Variants in C16orf92 observed in about 807,000 individuals in gnomAD.
The protein encoded by C16orf92 is fertilization-influencing membrane protein 1.
A neutral mutation model predicts 13.7 loss-of-function variants in C16orf92; 14 were observed. The ratio of observed to expected loss-of-function variants is 1.02; its 90% CI spans 0.67 to 1.60. The LOEUF is 1.60. C16orf92 is among the 40% of genes most tolerant of loss of function. The probability of loss-of-function intolerance (pLI) is 0.00; values close to 1 mark genes in which losing one functional copy is unlikely to be tolerated. For missense variants in C16orf92, 116 were observed against 139.0 expected, an observed-to-expected ratio of 0.83 and a Z score of 0.83; for synonymous variants, 50 against 57.4, an observed-to-expected ratio of 0.87 and a Z score of 0.58.
downstream of C16orf92, chr16:30,026,588 G>C (rs200158999): frequency 1.5e-3 from 1,538 of 1,033,680 alleles, no homozygotes; most frequent in Non-Finnish European, 2.1e-3. Context: ...CACCCCGCCC[G>C]CCCAGCTCCC....
At chr16:30,025,278 G>A (rs2150971745), downstream of C16orf92, 1 of 1,545,598 alleles carries the variant, frequency 6.5e-7, no homozygotes, top group South Asian at 1.2e-5. The surrounding 1 kb of genome is among the most constrained non-coding windows in gnomAD (Gnocchi z 4.1). Context: ...TAGAGCTGAG[G>A]GGCCAGGAGC....
chr16:30,026,456 T>C, downstream of C16orf92: 2 of 700,014 alleles, frequency 2.9e-6, no homozygotes, highest in South Asian at 3.7e-5. Context: ...TGGTGCTCAG[T>C]GAACCCTGCC....
At chr16:30,025,794 A>G, downstream of C16orf92, 4 of 1,614,086 alleles carry the variant, frequency 2.5e-6, no homozygotes, top group Non-Finnish European at 3.4e-6. This position sits in a 1 kb window ranked among gnomAD's most constrained non-coding sequence, Gnocchi z 4.1. Context: ...CAACCCAGAA[A>G]GAAGTCTCCC....
downstream of C16orf92, chr16:30,025,151 G>A: frequency 5.3e-6 from 7 of 1,326,490 alleles, no homozygotes; most frequent in African/African-American, 1.5e-5. This position sits in a 1 kb window ranked among gnomAD's most constrained non-coding sequence, Gnocchi z 4.1. Context: ...CGGGGGTGGG[G>A]GTGGGGAGGG....
chr16:30,027,179 A>C (rs749507346), downstream of C16orf92: 17 of 478,916 alleles, frequency 3.5e-5, 1 homozygote, highest in South Asian at 2.5e-4. Context: ...GGCAGGTGGG[A>C]CCTTGCCATG....
downstream of C16orf92, chr16:30,027,087 G>A (rs759725363): frequency 3.4e-5 from 21 of 625,378 alleles, no homozygotes; most frequent in Non-Finnish European, 1.5e-5. Context: ...TCTCTCTGCA[G>A]TATAGTCGGG....
chr16:30,023,996 C>G lies in C16orf92; in HGVS notation c.224-3C>G, dbSNP rs373715945. 422 of 1,612,376 alleles carry G rather than the reference C, an allele frequency of 2.6e-4. 1 individual carries two copies. In the African/African-American group the frequency reaches 4.9e-3, roughly 19 times the overall value. On this transcript the variant is annotated splice_polypyrimidine_tract_variant and splice_region_variant and intron_variant, in intron 2 of 3. Transcript: ENST00000681219. ...GGAGTTAAGGGTCCTGTTTGTCTAG[C>G]AGGTTCCAGCCCCGGGCTCTTCCAT...
downstream of C16orf92, chr16:30,025,883 G>C: frequency 7.7e-7 from 1 of 1,300,456 alleles, no homozygotes; most frequent in East Asian, 2.3e-5. This position sits in a 1 kb window ranked among gnomAD's most constrained non-coding sequence, Gnocchi z 4.1. Context: ...GGCAGCCCCC[G>C]CCCTTCCTCT....
At chr16:30,025,702 C>T (rs778467719), downstream of C16orf92, 3 of 1,612,370 alleles carry the variant, frequency 1.9e-6, no homozygotes, top group Admixed American at 5.0e-5. This position sits in a 1 kb window ranked among gnomAD's most constrained non-coding sequence, Gnocchi z 4.1. Context: ...CATTGGGCTC[C>T]TGCACCCTCC....
downstream of C16orf92, chr16:30,026,507 T>A: frequency 3.0e-6 from 3 of 988,784 alleles, no homozygotes; most frequent in Non-Finnish European, 4.6e-6. Flanking sequence ...GTCTGCTTGG[T>A]TGTCAGTACG....
downstream of C16orf92, chr16:30,025,425 G>A (rs753974540): frequency 6.2e-7 from 1 of 1,612,528 alleles, no homozygotes; most frequent in South Asian, 1.1e-5. The surrounding 1 kb of genome is among the most constrained non-coding windows in gnomAD (Gnocchi z 4.1). Context: ...AGCAGCATCA[G>A]GGCCCCGTTC....
rs370067604 is a variant in C16orf92, at chr16:30,024,084, C to T, written c.309C>T (p.His103=). The T allele has an allele frequency of 1.0e-3, 1,657 of 1,612,556 alleles. 2 individuals carry two copies. Among genetic ancestry groups the T allele is most frequent in the Non-Finnish European group, 1.3e-3 (1,515 of 1,178,598 alleles). ...TTCTCCTTTTCCAGTTCTGCACCCA[C>T]ATGTAAGGCCTGCCCCCTTTCTCCA... ...FFFLLFQFCT[H]INFQKGA The change falls in exon 3 of 4, where the codon CAC becomes CAT. Residue 103 remains histidine (H), a splice_region_variant and synonymous_variant. Transcript: ENST00000681219.
At chr16:30,025,624 G>T (rs765786816), downstream of C16orf92, 1 of 1,469,784 alleles carries the variant, frequency 6.8e-7, no homozygotes, top group Non-Finnish European at 9.5e-7. This position sits in a 1 kb window ranked among gnomAD's most constrained non-coding sequence, Gnocchi z 4.1. Flanking sequence ...GGGGTGAGGG[G>T]GGGATGACGA....
In C16orf92 at chr16:30,023,344, A is replaced by G. The variant is rs2150967127; in HGVS notation, c.4A>G (p.Arg2Gly). 1.6e-5 allele frequency: 25 copies of G among 1,604,186 alleles called. No individual in the cohort carries two copies. The highest frequency in any genetic ancestry group is 1.7e-4 in the Middle Eastern group (1 of 6,052). ...CCCCCACCTCATGATAGGAGTCATGAGGCTGTGGCCATGGGTGCTGGTGTG... is the reference window on the plus strand; with the variant it reads ...CCCCCACCTCATGATAGGAGTCATGGGGCTGTGGCCATGGGTGCTGGTGTG... M[R>G]LWPWVLVWVW... The change falls in exon 1 of 4, where the codon AGG becomes GGG. Residue 2 changes from arginine (R) to glycine (G), a missense_variant. By Grantham distance (125) the Arg-to-Gly change is moderately radical. Transcript: ENST00000681219.
At position 30,024,440 on chromosome 16, in the gene C16orf92, G is replaced by T. The variant is rs373208722; in HGVS notation, c.*213G>T. 8.9e-6 allele frequency: 6 copies of T among 673,630 alleles called. No individual in the cohort carries two copies. The highest frequency in any genetic ancestry group is 7.2e-5 in the African/African-American group (4 of 55,372). The allele number at this position is 673,630 out of a possible 1,614,324, so 41.7% of individuals were successfully genotyped here. ...CAAGGGCCTTGGTGGCGTTCACGCA[G>T]ATCGTCTTTTATTAGCGGTCTGTAA... On this transcript the variant is annotated 3_prime_UTR_variant, in exon 4 of 4. Transcript: ENST00000681219.
chr16:30,025,317 G>T (rs1364252264), downstream of C16orf92: 1 of 1,568,916 alleles, frequency 6.4e-7, no homozygotes, highest in Non-Finnish European at 8.6e-7. The surrounding 1 kb of genome is among the most constrained non-coding windows in gnomAD (Gnocchi z 4.1). Context: ...ACGTGGGCAG[G>T]GATGGCCAGG....
downstream of C16orf92, chr16:30,024,765 A>C: frequency 5.1e-6 from 1 of 195,698 alleles, no homozygotes; most frequent in Non-Finnish European, 1.0e-5. Context: ...CCCGAGGGCC[A>C]GCGGGGGTTA....
At chr16:30,024,134 G>A in intron 3 of C16orf92, 48 bp downstream of exon 3, 1 of 1,608,208 alleles carries the variant, frequency 6.2e-7, no homozygotes, top group Non-Finnish European at 8.5e-7. Context: ...CACCTTCCTT[G>A]GGAGCGGCTG....
chr16:30,023,622 G>C (rs771586701), intron 1 of C16orf92, 105 bp from the exon 2 acceptor site: 7 of 1,585,804 alleles, frequency 4.4e-6, no homozygotes, highest in Non-Finnish European at 6.1e-6. Flanking sequence ...CACAGCCTCT[G>C]CAATAAGGCT....
Sources: gnomAD v4.1 joint callset for allele counts on GRCh38, gnomAD v4.1.1 for gene constraint, Gnocchi (gnomAD v3.1) non-coding constraint, MANE v1.5 for transcripts, NCBI Gene and HGNC (gene_info 2026-07-23, HGNC 2026-07-21) for gene names.